PLEKHA7: variants seen among roughly 807,000 people sequenced by gnomAD.
PLEKHA7 encodes the protein pleckstrin homology domain containing A7, also known as pleckstrin homology domain-containing family A member 7.
In PLEKHA7, 104 loss-of-function variants were observed where a neutral mutation model predicts 170.0. The observed-to-expected ratio is 0.61, with a 90% CI of 0.52 to 0.72. The LOEUF is 0.72. Among genes scored for constraint, PLEKHA7 ranks in the 30% least tolerant of loss-of-function variants. PLEKHA7 has a pLI of 0.00. For synonymous variants in PLEKHA7, 648 were observed against 660.8 expected (o/e 0.98, Z 0.30); for missense variants, 1,615 against 1,671.7 (o/e 0.97, Z 0.59).
chr11:16,966,290 ATGTGTGTGTGTGTG>A (rs112176840), intron 3 of PLEKHA7, among the ~76,000 whole-genome samples: 132 of 148,824 alleles, frequency 8.9e-4, no homozygotes, highest in South Asian at 4.7e-3. Flanking sequence ...TTGTGCATGT[ATGTGTGTGTGTGTG>A]TGTGTGTGTG....
intron 9 of PLEKHA7, among the ~76,000 whole-genome samples, chr11:16,838,703 T>TTTG (rs1838778444): frequency 6.9e-6 from 1 of 145,924 alleles, no homozygotes; most frequent in East Asian, 2.0e-4. Context: ...CTTTTTTTTT[T>TTTG]TTTTTTTTTT....
At chr11:16,848,908 G>C (rs903193155) in intron 8 of PLEKHA7, among the ~76,000 whole-genome samples, 2 of 152,178 alleles carry the variant, frequency 1.3e-5, no homozygotes, top group Admixed American at 1.3e-4. Context: ...ACAAAACACT[G>C]TGTATTCCTT....
At chr11:16,820,212 CT>C (rs1319965251) in intron 10 of PLEKHA7, among the ~76,000 whole-genome samples, 1 of 152,190 alleles carries the variant, frequency 6.6e-6, no homozygotes, top group Non-Finnish European at 1.5e-5. Context: ...GTTTGAGAAA[CT>C]GTTCTAATTG....
intron 8 of PLEKHA7, among the ~76,000 whole-genome samples, chr11:16,841,984 A>G (rs1564996366): frequency 6.6e-6 from 1 of 152,138 alleles, no homozygotes; most frequent in Non-Finnish European, 1.5e-5. Context: ...GGGAGTTGGG[A>G]GTGTGCACAA....
intron 13 of PLEKHA7, among the ~76,000 whole-genome samples, chr11:16,810,869 G>A (rs1311204568): frequency 1.3e-5 from 2 of 152,270 alleles, no homozygotes; most frequent in South Asian, 2.1e-4. Flanking sequence ...ACTGACACCC[G>A]CTAGCTGCTG....
At chr11:16,782,997 G>C in intron 25 of PLEKHA7, 101 bp from the exon 26 acceptor site, 2 of 1,278,906 alleles carry the variant, frequency 1.6e-6, no homozygotes, top group Non-Finnish European at 1.1e-6. Context: ...CATTTTGAGG[G>C]GGATCAGACA....
intron 3 of PLEKHA7, among the ~76,000 whole-genome samples, chr11:17,008,252 C>T (rs1421423457): frequency 6.6e-6 from 1 of 152,230 alleles, no homozygotes; most frequent in Non-Finnish European, 1.5e-5. Flanking sequence ...CTGGTTCCTG[C>T]CAGCACCCTT....
intron 13 of PLEKHA7, among the ~76,000 whole-genome samples, chr11:16,805,807 AC>A (rs546010924): frequency 0.02 from 2,744 of 135,234 alleles, 102 homozygotes; most frequent in African/African-American, 0.076. Context: ...AAAAAAAAAA[AC>A]AAAAACAAAA....
At chr11:16,870,301 C>G (rs1287498698) in intron 4 of PLEKHA7, among the ~76,000 whole-genome samples, 1 of 151,932 alleles carries the variant, frequency 6.6e-6, no homozygotes, top group South Asian at 2.1e-4. Flanking sequence ...ACCCCCACCC[C>G]CACACACACA....
intron 3 of PLEKHA7, among the ~76,000 whole-genome samples, chr11:16,902,647 C>T (rs1267776281): frequency 6.6e-6 from 1 of 152,154 alleles, no homozygotes; most frequent in East Asian, 1.9e-4. Flanking sequence ...TCTTCTTTGG[C>T]CCAGCTTGTC....
chr11:16,798,527 G>C (rs530853092), intron 17 of PLEKHA7, among the ~76,000 whole-genome samples: 154 of 152,262 alleles, frequency 1.0e-3, no homozygotes, highest in African/African-American at 3.5e-3. Flanking sequence ...ATAAGGCACA[G>C]TAAAGACACA....
intron 3 of PLEKHA7, among the ~76,000 whole-genome samples, chr11:16,918,178 G>A (rs564632850): frequency 1.3e-5 from 2 of 152,292 alleles, no homozygotes; most frequent in Admixed American, 6.5e-5. Flanking sequence ...ATCACAACAC[G>A]GACAGAAGCA....
At chr11:16,992,370 C>T (rs991443149) in intron 3 of PLEKHA7, among the ~76,000 whole-genome samples, 5 of 152,220 alleles carry the variant, frequency 3.3e-5, no homozygotes, top group African/African-American at 4.8e-5. Context: ...CTACTACCTC[C>T]TGTCTGTGGT....
intron 26 of PLEKHA7, among the ~76,000 whole-genome samples, chr11:16,780,601 A>C (rs1848949667): frequency 6.6e-6 from 1 of 152,084 alleles, no homozygotes; most frequent in African/African-American, 2.4e-5. Context: ...CCAGCCCCCC[A>C]AGGCTGGCAG....
intron 3 of PLEKHA7, among the ~76,000 whole-genome samples, chr11:16,936,177 G>A (rs532527435): frequency 8.6e-5 from 13 of 151,978 alleles, no homozygotes; most frequent in Non-Finnish European, 1.6e-4. Flanking sequence ...CGAGGTGGGC[G>A]GATCACAGGG....
intron 13 of PLEKHA7, among the ~76,000 whole-genome samples, chr11:16,811,506 G>A (rs951154433): frequency 6.6e-6 from 1 of 152,166 alleles, no homozygotes; most frequent in Non-Finnish European, 1.5e-5. Context: ...GGGGCTGCTG[G>A]ATCTCTCTCC....
chr11:16,857,594 C>T (rs191932346), intron 4 of PLEKHA7, among the ~76,000 whole-genome samples: 104 of 152,368 alleles, frequency 6.8e-4, no homozygotes, highest in African/African-American at 2.5e-3. Flanking sequence ...ACTCTTCAGA[C>T]TTCTGGAGGT....
At position 17,014,135 on chromosome 11, in the gene PLEKHA7, C is replaced by T. The variant is rs750783495; in HGVS notation, c.153G>A (p.Met51Ile). The T allele has an allele frequency of 2.5e-6, 4 of 1,602,606 alleles. No individual in the cohort carries two copies. Among genetic ancestry groups the T allele is most frequent in the Non-Finnish European group, 3.4e-6 (4 of 1,175,902 alleles). ...RTGEPVNSGH[M>I]IRSDLPRGWE... is the part of the protein sequence containing the mutation. ...CGGCCCGGCGCCCACCTGAGCGGATCATGTGGCCCGAGTTGACGGGCTCCC... is the reference window on the plus strand; with the variant it reads ...CGGCCCGGCGCCCACCTGAGCGGATTATGTGGCCCGAGTTGACGGGCTCCC... Residue 51 changes from methionine (M) to isoleucine (I), a missense_variant, in exon 2 of 27, where the codon ATG becomes ATA. Transcript: ENST00000531066.
At chr11:16,852,610 T>A (rs1277412996) in intron 6 of PLEKHA7, among the ~76,000 whole-genome samples, 1 of 152,246 alleles carries the variant, frequency 6.6e-6, no homozygotes, top group Non-Finnish European at 1.5e-5. Flanking sequence ...TAAGTCACTT[T>A]CTTCTAGAAA....
Sources: allele counts gnomAD v4.1 joint callset (sites outside exome capture counted in the v4.1 genomes callset), GRCh38; gene constraint gnomAD v4.1.1; transcripts MANE v1.5; gene names NCBI Gene and HGNC (gene_info 2026-07-23, HGNC 2026-07-21).